The following ABL2 variants were observed in gnomAD, a reference collection of about 807,000 sequenced individuals.
ABL2 encodes tyrosine-protein kinase ABL2.
Under a neutral mutation model 107.7 loss-of-function variants are expected in ABL2, and 49 were observed. The observed-to-expected ratio is 0.45, with a 90% CI of 0.36 to 0.58. The LOEUF (loss-of-function observed/expected upper bound fraction) is 0.58, where lower values mean the gene tolerates loss of function less well. Among genes scored for constraint, ABL2 ranks in the 20% least tolerant of loss-of-function variants. The pLI is 0.00. For missense variants in ABL2, 1,245 were observed against 1,457.0 expected, an observed-to-expected ratio of 0.85 and a Z score of 2.37; for synonymous variants, 549 against 548.6, an observed-to-expected ratio of 1.00 and a Z score of -0.01.
intron 2 of ABL2, among the ~76,000 whole-genome samples, chr1:179,132,432 T>C (rs890413572): frequency 1.3e-5 from 2 of 152,210 alleles, no homozygotes; most frequent in African/African-American, 4.8e-5. Flanking sequence ...GATCAGACTA[T>C]TTTTAGTGCC....
rs975898355 is a variant in ABL2 at position 179,215,557 on chromosome 1, T to C, written c.157+13684A>G. Among the ~76,000 whole-genome samples, 23 of 151,976 alleles carry C rather than the reference T, an allele frequency of 1.5e-4. 2 individuals are homozygous for C. Among genetic ancestry groups the C allele is most frequent in the Admixed American group, 1.5e-3 (23 of 15,244 alleles). On this transcript the variant is annotated intron_variant, in intron 1 of 11. Transcript: ENST00000502732. ...GAAACCAGCCTGGCTAACAACCCTT[T>C]CTCTACTAAAAATACAAAAATCAGC...
intron 1 of ABL2, among the ~76,000 whole-genome samples, chr1:179,144,515 A>G (rs1001237376): frequency 6.6e-6 from 1 of 152,136 alleles, no homozygotes; most frequent in African/African-American, 2.4e-5. Flanking sequence ...ACACTCATTC[A>G]CTCAATAAAT....
At chr1:179,136,737 TAAA>T (rs1657044940) in intron 1 of ABL2, among the ~76,000 whole-genome samples, 1 of 142,726 alleles carries the variant, frequency 7.0e-6, no homozygotes, top group African/African-American at 2.8e-5. Flanking sequence ...AATAAATAAA[TAAA>T]TAAAAATAAA....
At chr1:179,221,826 G>A (rs1470160986) in intron 1 of ABL2, 1 of 237,128 alleles carries the variant, frequency 4.2e-6, no homozygotes, top group Non-Finnish European at 9.1e-6. Flanking sequence ...CATACCAGGA[G>A]TGTCCTTTCA....
chr1:179,180,369 C>T (rs1229022476), intron 1 of ABL2, among the ~76,000 whole-genome samples: 3 of 152,134 alleles, frequency 2.0e-5, no homozygotes, highest in Non-Finnish European at 4.4e-5. Flanking sequence ...GTTGTATATA[C>T]CCTGACTCAG....
intron 1 of ABL2, among the ~76,000 whole-genome samples, chr1:179,199,423 T>C (rs2102840357): frequency 6.6e-6 from 1 of 152,322 alleles, no homozygotes; most frequent in African/African-American, 2.4e-5. Context: ...CTACTAATCT[T>C]CCTATGCAAC....
At chr1:179,218,532 G>A (rs948286314) in intron 1 of ABL2, among the ~76,000 whole-genome samples, 1 of 152,166 alleles carries the variant, frequency 6.6e-6, no homozygotes, top group Non-Finnish European at 1.5e-5. Context: ...GAGTAGCTGG[G>A]ACTACAGGCG....
In ABL2 at chr1:179,105,464, A is replaced by C. The variant is rs117228532; in HGVS notation, c.*2254T>G. 1,361 of 230,450 alleles carry C rather than the reference A, an allele frequency of 5.9e-3. 44 individuals carry two copies. Among genetic ancestry groups the C allele is most frequent in the Admixed American group, 0.056 (993 of 17,724 alleles). 14.3% of individuals were successfully genotyped at this position (230,450 alleles called of 1,614,324 possible). ...CCTTAAAAGGCTAGCTGCTAAAACGAGTTCTTCAAGTTTACGGACATGTAT... is the reference window on the plus strand; with the variant it reads ...CCTTAAAAGGCTAGCTGCTAAAACGCGTTCTTCAAGTTTACGGACATGTAT... On this transcript the variant is annotated 3_prime_UTR_variant, in exon 12 of 12. Transcript: ENST00000502732.
intron 1 of ABL2, among the ~76,000 whole-genome samples, chr1:179,165,778 C>T (rs1659338924): frequency 6.7e-6 from 1 of 149,140 alleles, no homozygotes; most frequent in East Asian, 2.0e-4. Context: ...AGTATATAAT[C>T]CCAGCCAGAC....
intron 1 of ABL2, among the ~76,000 whole-genome samples, chr1:179,155,922 A>C (rs1205630859): frequency 7.2e-5 from 11 of 152,132 alleles, no homozygotes; most frequent in Non-Finnish European, 1.3e-4. Context: ...GCTGAACAAA[A>C]ATCTTCCCTA....
chr1:179,166,289 A>G (rs545857442), intron 1 of ABL2, among the ~76,000 whole-genome samples: 2 of 152,264 alleles, frequency 1.3e-5, no homozygotes, highest in Admixed American at 6.5e-5. Flanking sequence ...CAAAGGGAAC[A>G]ATCAAGAGTT....
chr1:179,129,681 C>CAAA (rs1355294639), intron 3 of ABL2, among the ~76,000 whole-genome samples: 4 of 67,970 alleles, frequency 5.9e-5, no homozygotes, highest in Admixed American at 3.3e-4. Context: ...GACTCTGTCT[C>CAAA]AAAAAAAAAA....
Position 179,161,822 on chromosome 1 carries a change from G to A in ABL2, c.158-28448C>T, listed in dbSNP as rs546522057. Among the ~76,000 whole-genome samples, 3 of 152,334 alleles carry A rather than the reference G, an allele frequency of 2.0e-5. No individual in the cohort carries two copies. In the South Asian group the frequency reaches 6.2e-4, roughly 32 times the overall value. On this transcript the variant is annotated intron_variant, in intron 1 of 11. Coordinates refer to ENST00000502732, the MANE Select transcript of ABL2 (RefSeq NM_007314.4). ...TAGAAACTTGATCCTCAATGCAACA[G>A]TGCTGGGAGATGGGGCCTAATGGGA...
intron 3 of ABL2, among the ~76,000 whole-genome samples, chr1:179,130,726 T>TTTTG (rs1553220073): frequency 1.4e-5 from 2 of 142,722 alleles, no homozygotes; most frequent in Non-Finnish European, 3.1e-5. Flanking sequence ...ATTATTGATT[T>TTTTG]TGTGTGTGTG....
chr1:179,169,365 AGTGAAACCCG>A (rs1659581887), intron 1 of ABL2, among the ~76,000 whole-genome samples: 1 of 151,974 alleles, frequency 6.6e-6, no homozygotes, highest in Non-Finnish European at 1.5e-5. Context: ...TGGCTAACAC[AGTGAAACCCG>A]GTCTCTACAA....
Position 179,106,184 on chromosome 1 carries a change from G to C in ABL2, c.*1534C>G, listed in dbSNP as rs1164060905. 4.5e-6 allele frequency: 1 copy of C among 223,466 alleles called. No homozygotes were observed. The highest frequency in any genetic ancestry group is 8.9e-6 in the Non-Finnish European group (1 of 111,994). The allele number at this position is 223,466 out of a possible 1,614,324, so 13.8% of individuals were successfully genotyped here. ...AAGTATTCATAAAGCTTTAAAAAGA[G>C]AATGAAGCAGTAACTGGAATTAGAC... On this transcript the variant is annotated 3_prime_UTR_variant, in exon 12 of 12. Transcript: ENST00000502732.
chr1:179,178,763 G>C (rs141051828), intron 1 of ABL2, among the ~76,000 whole-genome samples: 5 of 152,004 alleles, frequency 3.3e-5, no homozygotes, highest in Admixed American at 2.6e-4. Context: ...GGTGGGCTGG[G>C]GGGGGTGCCT....
chr1:179,129,197 G>A (rs1320059580), intron 3 of ABL2, among the ~76,000 whole-genome samples: 6 of 152,182 alleles, frequency 3.9e-5, no homozygotes, highest in African/African-American at 1.2e-4. Context: ...ATAAAGGCCA[G>A]TCATAACCCA....
intron 1 of ABL2, among the ~76,000 whole-genome samples, chr1:179,146,051 T>A (rs183201658): frequency 1.3e-5 from 2 of 152,264 alleles, no homozygotes; most frequent in African/African-American, 4.8e-5. Context: ...TGCACCACCA[T>A]GCCTGGCTAA....
Sources: gnomAD v4.1 joint callset for allele counts (sites outside exome capture counted in the v4.1 genomes callset) on GRCh38, gnomAD v4.1.1 for gene constraint, MANE v1.5 for transcripts, NCBI Gene and HGNC (gene_info 2026-07-23, HGNC 2026-07-21) for gene names.